Variants in ZNF236 observed in about 807,000 individuals in gnomAD.
ZNF236 encodes the protein regulated by glucose.
In ZNF236, 50 loss-of-function variants were observed where a neutral mutation model predicts 191.2. That is an observed-to-expected ratio of 0.26 (90% CI 0.21 to 0.33). The LOEUF (loss-of-function observed/expected upper bound fraction) is 0.33, where lower values mean the gene tolerates loss of function less well. Among genes scored for constraint, ZNF236 ranks in the 10% least tolerant of loss-of-function variants. ZNF236 has a pLI of 1.00. For missense variants in ZNF236, 1,754 were observed against 2,374.5 expected, an observed-to-expected ratio of 0.74 and a Z score of 5.43; for synonymous variants, 907 against 928.8, an observed-to-expected ratio of 0.98 and a Z score of 0.43.
chr18:76,898,987 A>G lies in ZNF236; in HGVS notation c.1691-32A>G, dbSNP rs775483719. 5.7e-6 allele frequency: 9 copies of G among 1,572,958 alleles called. No homozygotes were observed. The South Asian group carries it at 1.0e-4, about 18-fold the overall frequency. ...TGCTGTTGAGATGTAATTTCTGGAA[A>G]TAATTCTAAAATGTGATTTCATTTT... On this transcript the variant is annotated intron_variant, in intron 10 of 30. Transcript: ENST00000320610.
At chr18:76,966,948 G>A (rs1041148558) in intron 30 of ZNF236, among the ~76,000 whole-genome samples, 2 of 152,252 alleles carry the variant, frequency 1.3e-5, no homozygotes, top group Admixed American at 1.3e-4. Flanking sequence ...TTTTGCGGGT[G>A]TGATTTGATT....
chr18:76,865,418 A>G (rs551109408), intron 3 of ZNF236, among the ~76,000 whole-genome samples: 93 of 152,320 alleles, frequency 6.1e-4, no homozygotes, highest in African/African-American at 1.8e-3. Flanking sequence ...TACTCCAAAC[A>G]TAAAATGGCC....
chr18:76,871,651 G>A (rs770598869), intron 4 of ZNF236, 50 bp from the exon 5 acceptor site: 7 of 1,608,088 alleles, frequency 4.4e-6, no homozygotes, highest in Non-Finnish European at 6.0e-6. Flanking sequence ...TGAAATTATG[G>A]TACAAGGGAG....
chr18:76,834,494 A>G (rs1975263255), intron 1 of ZNF236: 2 of 434,028 alleles, frequency 4.6e-6, no homozygotes, highest in South Asian at 2.1e-5. Flanking sequence ...ACTTGGCGAG[A>G]TTTGGCTTTC....
In ZNF236 at chr18:76,880,104, G is replaced by C; in HGVS notation, c.985-9G>C. 6.4e-7 allele frequency: 1 copy of C among 1,550,820 alleles called. No individual in the cohort carries two copies. Among genetic ancestry groups the C allele is most frequent in the Non-Finnish European group, 8.7e-7 (1 of 1,147,192 alleles). ...TTGTATTTTTAATGAAAATGTTTCT[G>C]TGTTTCAGGCCACACTTTTTCAGAC... On this transcript the variant is annotated splice_polypyrimidine_tract_variant and intron_variant, in intron 7 of 30. Coordinates refer to ENST00000320610, the MANE Select transcript of ZNF236 (RefSeq NM_001306089.2). The surrounding 1 kb of genome is among the most constrained non-coding windows in gnomAD (Gnocchi z 5.0).
At chr18:76,836,646 C>T (rs1054005255) in intron 1 of ZNF236, among the ~76,000 whole-genome samples, 25 of 151,090 alleles carry the variant, frequency 1.7e-4, no homozygotes, top group South Asian at 2.1e-4. Context: ...GGTGCGATCT[C>T]GGCTCACTGC....
At chr18:76,843,802 AAAAGT>A in intron 1 of ZNF236, among the ~76,000 whole-genome samples, 1 of 133,926 alleles carries the variant, frequency 7.5e-6, no homozygotes, top group East Asian at 2.2e-4. Context: ...AAAAAAAAAA[AAAAGT>A]AAAGAAGAGA....
chr18:76,891,778 C>G (rs1977240693), intron 9 of ZNF236, among the ~76,000 whole-genome samples: 1 of 151,924 alleles, frequency 6.6e-6, no homozygotes. Context: ...CATGTTTTCC[C>G]AATTGAAATG....
chr18:76,969,028 A>T lies in ZNF236; in HGVS notation c.*689A>T. The T allele has an allele frequency of 1.0e-6, 1 of 970,098 alleles. No individual in the cohort carries two copies. Among genetic ancestry groups the T allele is most frequent in the Non-Finnish European group, 1.2e-6 (1 of 815,566 alleles). 60.1% of individuals were successfully genotyped at this position (970,098 alleles called of 1,614,324 possible). ...CCCACCAATAAGGATTCAGCTGTCC[A>T]CACGGGCTGGCGACACACTTACCGC... On this transcript the variant is annotated 3_prime_UTR_variant, in exon 31 of 31. Coordinates refer to ENST00000320610, the MANE Select transcript of ZNF236 (RefSeq NM_001306089.2).
At chr18:76,937,102 C>T (rs1316386482) in intron 25 of ZNF236, 54 bp from the exon 26 acceptor site, 2 of 1,562,388 alleles carry the variant, frequency 1.3e-6, no homozygotes, top group African/African-American at 2.7e-5. Flanking sequence ...TATGCCCTTA[C>T]ACCTGGACTT....
chr18:76,874,519 G>A (rs185392266), intron 5 of ZNF236, among the ~76,000 whole-genome samples: 136 of 152,134 alleles, frequency 8.9e-4, no homozygotes, highest in African/African-American at 3.0e-3. Flanking sequence ...TTCTTGGAGC[G>A]TGCATTCTAG....
chr18:76,928,287 G>T (rs866144007), intron 25 of ZNF236, among the ~76,000 whole-genome samples, 181 bp downstream of exon 25: 64 of 152,188 alleles, frequency 4.2e-4, no homozygotes, highest in African/African-American at 1.5e-3. Context: ...TCTGGCACCA[G>T]AAATGAAAAA....
At chr18:76,871,417 A>C (rs1468728338) in intron 4 of ZNF236, among the ~76,000 whole-genome samples, 5 of 152,226 alleles carry the variant, frequency 3.3e-5, no homozygotes, top group African/African-American at 9.6e-5. Flanking sequence ...TGACCATCAC[A>C]GGTAAAGCTT....
Position 76,927,547 on chromosome 18 carries a change from A to G in ZNF236, c.4414+30A>G. 1 of 1,588,044 alleles carries G rather than the reference A, an allele frequency of 6.3e-7. No individual in the cohort carries two copies. Among genetic ancestry groups the G allele is most frequent in the Non-Finnish European group, 8.6e-7 (1 of 1,166,192 alleles). ...GAGCCACTCACTTTTGCTTATTTTG[A>G]CAGCTGGAGTTTCAGTTTCTTGCTT... is the stretch of plus-strand genomic sequence containing the variant. On this transcript the variant is annotated intron_variant, in intron 24 of 30. Coordinates refer to ENST00000320610, the MANE Select transcript of ZNF236 (RefSeq NM_001306089.2). This position sits in a 1 kb window ranked among gnomAD's most constrained non-coding sequence, Gnocchi z 5.4.
rs376154308 is a variant in ZNF236 at position 76,915,656 on chromosome 18, C to T, written c.3071C>T (p.Ala1024Val). 5.0e-6 allele frequency: 8 copies of T among 1,613,676 alleles called. No individual in the cohort carries two copies. The highest frequency in any genetic ancestry group is 2.7e-5 in the African/African-American group (2 of 74,888). Residue 1024 changes from alanine (A) to valine (V), a missense_variant, in exon 19 of 31, where the codon GCG becomes GTG. Physicochemically the swap from Ala to Val is moderately conservative, Grantham distance 64. This residue lies in a region of ZNF236 where 641 missense variants were observed against 869.6 expected (regional missense o/e 0.74). Transcript: ENST00000320610. The stretch of plus-strand genomic sequence containing the variant: ...GTTTCTGTGCTTGCAGGAGTGAAGG[C>T]GTTCAGCTGCAGTGTGTGCAATGCT... Reference protein sequence around the residue: ...SHEKTHTGVKAFSCSVCNASF... With the variant: ...SHEKTHTGVKVFSCSVCNASF...
chr18:76,914,027 G>T, intron 18 of ZNF236, 129 bp downstream of exon 18: 1 of 1,008,316 alleles, frequency 9.9e-7, no homozygotes. Context: ...TGTTCATAGA[G>T]TTCTGCAACC....
intron 1 of ZNF236, chr18:76,840,775 C>CTGTGTGTT (rs1975463715): frequency 8.7e-6 from 1 of 114,912 alleles, no homozygotes; most frequent in Non-Finnish European, 1.7e-5. Context: ...TCTTTATAAC[C>CTGTGTGTT]TGTGTGTGTG....
chr18:76,938,637 C>CA (rs1968058387), intron 26 of ZNF236, among the ~76,000 whole-genome samples: 2 of 152,206 alleles, frequency 1.3e-5, no homozygotes, highest in Non-Finnish European at 2.9e-5. Flanking sequence ...TTGTGGGATG[C>CA]TCACATGTTG....
At chr18:76,832,391 C>T (rs1007515661) in intron 1 of ZNF236, among the ~76,000 whole-genome samples, 4 of 151,964 alleles carry the variant, frequency 2.6e-5, no homozygotes, top group African/African-American at 9.7e-5. Context: ...ATACGTCTCA[C>T]CTTTAGATTG....
Sources: gnomAD v4.1 joint callset for allele counts (sites outside exome capture counted in the v4.1 genomes callset) on GRCh38, gnomAD v4.1.1 for gene constraint, gnomAD v4.1.1 regional missense constraint, Gnocchi (gnomAD v3.1) non-coding constraint, MANE v1.5 for transcripts, NCBI Gene and HGNC (gene_info 2026-07-23, HGNC 2026-07-21) for gene names.